The following B3GALT1 variants were observed in gnomAD, a reference collection of about 807,000 sequenced individuals.
B3GALT1 encodes UDP-Gal:betaGlcNAc beta 1,3-galactosyltransferase, polypeptide 1.
B3GALT1 carries 10 observed loss-of-function variants against 23.2 expected under a neutral mutation model. The ratio of observed to expected loss-of-function variants is 0.43; its 90% CI spans 0.27 to 0.73. The LOEUF (loss-of-function observed/expected upper bound fraction) is 0.73. Ranked by LOEUF, B3GALT1 falls within the 30% of genes least tolerant of loss-of-function variation. The pLI is 0.21. For synonymous variants in B3GALT1, 156 were observed against 141.5 expected (o/e 1.10, Z -0.73); for missense variants, 299 against 405.4 (o/e 0.74, Z 2.25).
chr2:167,589,761 T>C (rs1684643513), intron 2 of B3GALT1, among the ~76,000 whole-genome samples: 1 of 152,078 alleles, frequency 6.6e-6, no homozygotes, highest in Non-Finnish European at 1.5e-5. Context: ...ATATTTTTAT[T>C]ATAGATATAA....
At chr2:167,816,079 AG>A (rs1368757886) in intron 3 of B3GALT1, among the ~76,000 whole-genome samples, 1 of 152,226 alleles carries the variant, frequency 6.6e-6, no homozygotes, top group African/African-American at 2.4e-5. Flanking sequence ...GACTAAAGAA[AG>A]TAGCTTATAT....
intron 4 of B3GALT1, among the ~76,000 whole-genome samples, chr2:167,820,783 A>AAGAT (rs1246218128): frequency 1.3e-5 from 2 of 152,368 alleles, no homozygotes; most frequent in Admixed American, 1.3e-4. Flanking sequence ...GTAAAATTGA[A>AAGAT]AGATAGCCAT....
intron 2 of B3GALT1, among the ~76,000 whole-genome samples, chr2:167,501,618 G>A (rs1335634122): frequency 6.8e-6 from 1 of 146,262 alleles, no homozygotes; most frequent in African/African-American, 2.5e-5. Flanking sequence ...ACTTCTAGTT[G>A]TAATGTAAAT....
At chr2:167,405,335 A>C (rs186963690) in intron 1 of B3GALT1, among the ~76,000 whole-genome samples, 1 of 152,110 alleles carries the variant, frequency 6.6e-6, no homozygotes, top group African/African-American at 2.4e-5. Context: ...ATAATCCTAA[A>C]TGTGTCCAAT....
At chr2:167,480,347 A>C (rs1699545172) in intron 1 of B3GALT1, among the ~76,000 whole-genome samples, 1 of 152,164 alleles carries the variant, frequency 6.6e-6, no homozygotes, top group Admixed American at 6.5e-5. Context: ...AGCCAGCCCC[A>C]CACCCAGGAA....
chr2:167,775,568 C>CAAA (rs60193092), intron 3 of B3GALT1, among the ~76,000 whole-genome samples: 2 of 133,928 alleles, frequency 1.5e-5, no homozygotes, highest in Non-Finnish European at 3.2e-5. Flanking sequence ...GACGCTGTCT[C>CAAA]AAAAAAAAAA....
chr2:167,730,706 T>C (rs1032474703), intron 3 of B3GALT1, among the ~76,000 whole-genome samples: 3 of 152,154 alleles, frequency 2.0e-5, no homozygotes, highest in Non-Finnish European at 2.9e-5. Context: ...GCAAATATTA[T>C]TATTATTTAG....
At chr2:167,392,293 G>A (rs1698025003) in intron 1 of B3GALT1, among the ~76,000 whole-genome samples, 1 of 151,912 alleles carries the variant, frequency 6.6e-6, no homozygotes. Context: ...CTGAAGAAAG[G>A]CCAACCCCTA....
At chr2:167,738,035 G>A (rs1268018787) in intron 3 of B3GALT1, among the ~76,000 whole-genome samples, 1 of 152,156 alleles carries the variant, frequency 6.6e-6, no homozygotes, top group Non-Finnish European at 1.5e-5. Flanking sequence ...CAGAGCCTGA[G>A]ATTTATGTTT....
intron 2 of B3GALT1, among the ~76,000 whole-genome samples, chr2:167,631,705 G>A (rs1356321683): frequency 6.7e-6 from 1 of 149,192 alleles, no homozygotes; most frequent in African/African-American, 2.5e-5. Context: ...TTTTAGAATA[G>A]GATAACTACA....
chr2:167,339,248 A>G, intron 1 of B3GALT1, among the ~76,000 whole-genome samples: 1 of 152,204 alleles, frequency 6.6e-6, no homozygotes, highest in East Asian at 1.9e-4. Context: ...ATATATCAAC[A>G]CAATTTAAAT....
At chr2:167,676,587 A>T (rs887702046) in intron 3 of B3GALT1, among the ~76,000 whole-genome samples, 1 of 151,814 alleles carries the variant, frequency 6.6e-6, no homozygotes, top group Non-Finnish European at 1.5e-5. Context: ...TTTGAGACAG[A>T]GCCTCGCTTT....
chr2:167,380,648 G>A (rs912144266), intron 1 of B3GALT1, among the ~76,000 whole-genome samples: 7 of 152,066 alleles, frequency 4.6e-5, no homozygotes, highest in South Asian at 2.1e-4. Flanking sequence ...CTGGGAAAAC[G>A]TCTGTAGTGT....
At chr2:167,737,978 T>C (rs2105272859) in intron 3 of B3GALT1, among the ~76,000 whole-genome samples, 1 of 152,258 alleles carries the variant, frequency 6.6e-6, no homozygotes, top group Admixed American at 6.5e-5. Flanking sequence ...AACTGACAAA[T>C]AAATGCTCCA....
chr2:167,422,603 G>A (rs1454059322), intron 1 of B3GALT1, among the ~76,000 whole-genome samples: 2 of 152,176 alleles, frequency 1.3e-5, no homozygotes, highest in African/African-American at 4.8e-5. Context: ...AACCATGAGT[G>A]TACTTGACTT....
intron 1 of B3GALT1, among the ~76,000 whole-genome samples, chr2:167,344,207 C>T (rs1697192343): frequency 6.6e-6 from 1 of 152,058 alleles, no homozygotes; most frequent in Non-Finnish European, 1.5e-5. Flanking sequence ...ACTTGTGAAA[C>T]GGAGATGAGC....
At position 167,670,351 on chromosome 2, in the gene B3GALT1, CAT is replaced by C. The variant is rs1008283519; in HGVS notation, c.-352+23387_-352+23388del. On this transcript the variant is annotated intron_variant, in intron 3 of 4. Coordinates refer to ENST00000392690, the MANE Select transcript of B3GALT1 (RefSeq NM_020981.4). ...AAAAGGAGAGTAGAGTAGGCACACC[CAT>C]AGAAAAAGTCTGAGACCTCCAAGTC... 6.6e-5 allele frequency among the ~76,000 whole-genome samples: 10 copies of C among 152,278 alleles called. No homozygotes were observed. The East Asian group carries it at 1.7e-3, about 26-fold the overall frequency.
intron 1 of B3GALT1, among the ~76,000 whole-genome samples, chr2:167,454,276 A>G (rs1699135244): frequency 1.3e-5 from 2 of 152,324 alleles, no homozygotes; most frequent in South Asian, 2.1e-4. Context: ...AGGCAGAGCC[A>G]ACTATATGCG....
At chr2:167,471,053 C>A (rs1441498534) in intron 1 of B3GALT1, among the ~76,000 whole-genome samples, 1 of 152,096 alleles carries the variant, frequency 6.6e-6, no homozygotes, top group Admixed American at 6.6e-5. Context: ...GTTTCAGCTC[C>A]TTCATCCTGT....
Sources: gnomAD v4.1 joint callset for allele counts (sites outside exome capture counted in the v4.1 genomes callset) on GRCh38, gnomAD v4.1.1 for gene constraint, MANE v1.5 for transcripts, NCBI Gene and HGNC (gene_info 2026-07-23, HGNC 2026-07-21) for gene names.